Variants in ATXN7L1 observed in about 807,000 individuals in gnomAD.
The protein encoded by ATXN7L1 is ataxin 7 like 1.
A neutral mutation model predicts 70.8 loss-of-function variants in ATXN7L1; 15 were observed. The observed-to-expected ratio is 0.21, with a 90% CI of 0.14 to 0.33. The LOEUF is 0.33. ATXN7L1 is among the 10% of genes least tolerant of loss of function. ATXN7L1 has a pLI of 1.00. For missense variants in ATXN7L1, 975 were observed against 1,097.1 expected, an observed-to-expected ratio of 0.89 and a Z score of 1.57; for synonymous variants, 440 against 445.1, an observed-to-expected ratio of 0.99 and a Z score of 0.14.
At chr7:105,737,086 T>G (rs1043613396) in intron 3 of ATXN7L1, among the ~76,000 whole-genome samples, 6 of 152,248 alleles carry the variant, frequency 3.9e-5, no homozygotes, top group Non-Finnish European at 1.5e-5. Flanking sequence ...GGAATCTCTT[T>G]AATAAAATTT....
intron 3 of ATXN7L1, among the ~76,000 whole-genome samples, chr7:105,744,968 C>A (rs1316828076): frequency 6.6e-6 from 1 of 152,008 alleles, no homozygotes; most frequent in African/African-American, 2.4e-5. Context: ...GAACTCCTGA[C>A]CTCAGGTGAT....
chr7:105,816,514 T>C (rs1469913405), intron 2 of ATXN7L1, among the ~76,000 whole-genome samples: 1 of 152,240 alleles, frequency 6.6e-6, no homozygotes, highest in Non-Finnish European at 1.5e-5. Context: ...TCAGAACCTA[T>C]AAATGTGATT....
At chr7:105,735,837 T>C (rs1002990666) in intron 3 of ATXN7L1, among the ~76,000 whole-genome samples, 1 of 152,184 alleles carries the variant, frequency 6.6e-6, no homozygotes, top group African/African-American at 2.4e-5. Flanking sequence ...TACAGGAATA[T>C]AATTAATTAA....
Position 105,658,141 on chromosome 7 carries a change from G to A in ATXN7L1, c.578+6925C>T, listed in dbSNP as rs115300464. On this transcript the variant is annotated intron_variant, in intron 4 of 11. Transcript: ENST00000419735. Reference sequence around the variant, plus strand: ...AAGAAATGCAATGAGAGGTCATTTCGTCATGCTAACATTGTAGAGTGAACT... The same window carrying A: ...AAGAAATGCAATGAGAGGTCATTTCATCATGCTAACATTGTAGAGTGAACT... Among the ~76,000 whole-genome samples, 1,220 of 151,424 alleles carry A rather than the reference G, an allele frequency of 8.1e-3. 16 individuals carry two copies. Among genetic ancestry groups the A allele is most frequent in the African/African-American group, 0.028 (1,168 of 41,224 alleles).
chr7:105,856,622 C>A (rs559842491), intron 2 of ATXN7L1, among the ~76,000 whole-genome samples: 70 of 150,494 alleles, frequency 4.7e-4, no homozygotes, highest in Middle Eastern at 3.5e-3. Context: ...ATATTTTATT[C>A]TTTATAAAGC....
At chr7:105,720,091 T>TTGCTTC (rs1795009956) in intron 3 of ATXN7L1, among the ~76,000 whole-genome samples, 1 of 152,244 alleles carries the variant, frequency 6.6e-6, no homozygotes, top group Non-Finnish European at 1.5e-5. Flanking sequence ...AGTGTGCTTC[T>TTGCTTC]TGCTTCTTTA....
At chr7:105,824,326 C>T (rs1292463564) in intron 2 of ATXN7L1, among the ~76,000 whole-genome samples, 1 of 152,022 alleles carries the variant, frequency 6.6e-6, no homozygotes, top group Admixed American at 6.5e-5. Flanking sequence ...ATATGAATGG[C>T]CAAGAATCAC....
chr7:105,849,302 T>C (rs1265301722), intron 2 of ATXN7L1, among the ~76,000 whole-genome samples: 1 of 152,212 alleles, frequency 6.6e-6, no homozygotes, highest in African/African-American at 2.4e-5. Flanking sequence ...AGTCCGTCCC[T>C]ACGTAGTGAT....
At chr7:105,789,578 G>A (rs909196895) in intron 2 of ATXN7L1, among the ~76,000 whole-genome samples, 1 of 152,144 alleles carries the variant, frequency 6.6e-6, no homozygotes, top group Admixed American at 6.5e-5. Context: ...GGGCCAGGCA[G>A]GGGGAAGGCG....
chr7:105,684,177 C>G (rs1376739742), intron 3 of ATXN7L1, among the ~76,000 whole-genome samples: 1 of 152,170 alleles, frequency 6.6e-6, no homozygotes, highest in Non-Finnish European at 1.5e-5. Context: ...ATGCCAAGCT[C>G]CCGTGTAATG....
At chr7:105,706,612 TC>T (rs1261679723) in intron 3 of ATXN7L1, among the ~76,000 whole-genome samples, 1 of 152,164 alleles carries the variant, frequency 6.6e-6, no homozygotes, top group Non-Finnish European at 1.5e-5. Context: ...GGAAAGATAT[TC>T]CTTTGTGGCC....
At chr7:105,715,798 G>A (rs1225707239) in intron 3 of ATXN7L1, among the ~76,000 whole-genome samples, 1 of 152,230 alleles carries the variant, frequency 6.6e-6, no homozygotes, top group African/African-American at 2.4e-5. Context: ...CAGTGGTGGT[G>A]AAAAACTGGC....
At chr7:105,756,984 A>G (rs913454370) in intron 3 of ATXN7L1, among the ~76,000 whole-genome samples, 1 of 152,300 alleles carries the variant, frequency 6.6e-6, no homozygotes, top group African/African-American at 2.4e-5. Context: ...CAGAGGGGGA[A>G]AAAAGCTCCC....
intron 2 of ATXN7L1, among the ~76,000 whole-genome samples, chr7:105,837,330 C>T (rs1461631783): frequency 6.6e-6 from 1 of 152,044 alleles, no homozygotes; most frequent in Non-Finnish European, 1.5e-5. Context: ...TTCTTTGAAT[C>T]TACAATGCCC....
intron 2 of ATXN7L1, among the ~76,000 whole-genome samples, chr7:105,862,269 T>C (rs1318578145): frequency 6.6e-6 from 1 of 151,988 alleles, no homozygotes; most frequent in African/African-American, 2.4e-5. Flanking sequence ...ACCCCGTCTC[T>C]AAAAATAATA....
At chr7:105,695,418 T>C (rs1399542028) in intron 3 of ATXN7L1, among the ~76,000 whole-genome samples, 1 of 152,188 alleles carries the variant, frequency 6.6e-6, no homozygotes, top group African/African-American at 2.4e-5. Context: ...TTCCACAGTG[T>C]GGGGGGAGCT....
intron 2 of ATXN7L1, among the ~76,000 whole-genome samples, chr7:105,838,771 C>T (rs1812781267): frequency 6.6e-6 from 1 of 152,184 alleles, no homozygotes; most frequent in Non-Finnish European, 1.5e-5. Flanking sequence ...ATGACCCGAA[C>T]TCCTGGATCA....
intron 3 of ATXN7L1, among the ~76,000 whole-genome samples, chr7:105,772,337 G>C (rs547159869): frequency 6.6e-6 from 1 of 152,160 alleles, no homozygotes. Flanking sequence ...GCCTCCCAAA[G>C]TGCTGGGATT....
At chr7:105,636,321 G>C (rs1434783312) in intron 7 of ATXN7L1, among the ~76,000 whole-genome samples, 1 of 151,838 alleles carries the variant, frequency 6.6e-6, no homozygotes, top group Admixed American at 6.6e-5. Flanking sequence ...GTGGAACCCG[G>C]GAGGCGGAGG....
Sources: gnomAD v4.1 joint callset for allele counts (sites outside exome capture counted in the v4.1 genomes callset) on GRCh38, gnomAD v4.1.1 for gene constraint, MANE v1.5 for transcripts, NCBI Gene and HGNC (gene_info 2026-07-23, HGNC 2026-07-21) for gene names.